The following TTC7B variants were observed in gnomAD, a reference collection of about 807,000 sequenced individuals.
TTC7B encodes the protein tetratricopeptide repeat domain 7B.
TTC7B carries 28 observed loss-of-function variants against 106.8 expected under a neutral mutation model. That is an observed-to-expected ratio of 0.26 (90% CI 0.19 to 0.36). TTC7B has a LOEUF of 0.36. TTC7B is among the 10% of genes least tolerant of loss of function. TTC7B has a pLI of 1.00. For synonymous variants in TTC7B, 405 were observed against 430.6 expected (o/e 0.94, Z 0.74); for missense variants, 862 against 1,076.4 (o/e 0.80, Z 2.79).
Position 90,744,932 on chromosome 14 carries a change from A to T in TTC7B, c.446-10T>A, listed in dbSNP as rs1889904893. 1 of 1,612,154 alleles carries T rather than the reference A, an allele frequency of 6.2e-7. No homozygotes were observed. The highest frequency in any genetic ancestry group is 1.7e-5 in the Admixed American group (1 of 59,626). ...TTCTCCAAACAAAGTCCTTAAAAAA[A>T]TATCAGACACAAAAACTGAGTGAAT... On this transcript the variant is annotated splice_polypyrimidine_tract_variant and intron_variant, in intron 3 of 19. Transcript: ENST00000328459.
intron 1 of TTC7B, among the ~76,000 whole-genome samples, chr14:90,812,246 G>A (rs1240312219): frequency 2.0e-5 from 3 of 152,142 alleles, no homozygotes; most frequent in African/African-American, 7.2e-5. Context: ...TTTAGACCCG[G>A]TGCCAGGTCA....
chr14:90,635,661 G>A (rs1183444478), intron 15 of TTC7B, among the ~76,000 whole-genome samples: 1 of 151,536 alleles, frequency 6.6e-6, no homozygotes, highest in East Asian at 1.9e-4. Context: ...TTGGGAGGCT[G>A]AGGCAGGAGG....
At chr14:90,617,401 A>G (rs1893129664) in intron 16 of TTC7B, among the ~76,000 whole-genome samples, 1 of 152,212 alleles carries the variant, frequency 6.6e-6, no homozygotes, top group South Asian at 2.1e-4. Context: ...TGGTTCCTGC[A>G]TTAGTTAATA....
intron 4 of TTC7B, among the ~76,000 whole-genome samples, chr14:90,733,431 T>A (rs570322327): frequency 2.4e-4 from 37 of 152,210 alleles, no homozygotes; most frequent in African/African-American, 7.9e-4. Flanking sequence ...GGAGGTGGCT[T>A]AAGGTTATAA....
At chr14:90,555,694 G>A (rs1566767263) in intron 19 of TTC7B, among the ~76,000 whole-genome samples, 1 of 152,196 alleles carries the variant, frequency 6.6e-6, no homozygotes, top group African/African-American at 2.4e-5. Flanking sequence ...AGGAAAGAGA[G>A]GGAGAAATGG....
Position 90,663,711 on chromosome 14 carries a change from T to C in TTC7B, c.1153-5324A>G, listed in dbSNP as rs920775336. On this transcript the variant is annotated intron_variant, in intron 9 of 19. Transcript: ENST00000328459. This position sits in a 1 kb window ranked among gnomAD's most constrained non-coding sequence, Gnocchi z 4.5. ...TTTCTCATAATGATAACAACCCACC[T>C]CCCCTAACAAGCCATGAGGGTGTCC... Among the ~76,000 whole-genome samples the C allele has an allele frequency of 6.6e-6, 1 of 151,896 alleles. No homozygotes were observed. The highest frequency in any genetic ancestry group is 6.6e-5 in the Admixed American group (1 of 15,236).
At chr14:90,617,868 G>T in intron 16 of TTC7B, 61 bp downstream of exon 16, 1 of 1,277,456 alleles carries the variant, frequency 7.8e-7, no homozygotes, top group Non-Finnish European at 1.1e-6. Context: ...AATCAGAGAA[G>T]GCACTGATAG....
In TTC7B at chr14:90,703,710, C is replaced by T. The variant is rs1888092681; in HGVS notation, c.699-8132G>A. The stretch of plus-strand genomic sequence containing the variant: ...ACAGGCGTCGCAAGCCTACAGGCCT[C>T]CAGTTCAAAACCATAACATAGAAAC... On this transcript the variant is annotated intron_variant, in intron 5 of 19. Coordinates refer to ENST00000328459, the MANE Select transcript of TTC7B (RefSeq NM_001010854.2). 2.0e-5 allele frequency among the ~76,000 whole-genome samples: 3 copies of T among 152,204 alleles called. No homozygotes were observed. The South Asian group carries it at 6.2e-4, about 32-fold the overall frequency.
In TTC7B at chr14:90,530,273, A is replaced by G. The variant is rs201432733; in HGVS notation, c.*11095T>C. On this transcript the variant is annotated 3_prime_UTR_variant, in exon 20 of 20. Transcript: ENST00000328459. ...ATTGAGCGAGACTCCATCCCAAAAA[A>G]CAAAAAAATCTATACTCATGGGAGA... 1.4e-4 allele frequency: 22 copies of G among 151,812 alleles called. No homozygotes were observed. The highest frequency in any genetic ancestry group is 5.3e-4 in the African/African-American group (22 of 41,474). 9.4% of individuals were successfully genotyped at this position (151,812 alleles called of 1,614,324 possible).
At chr14:90,574,658 G>T (rs1482978958) in intron 19 of TTC7B, among the ~76,000 whole-genome samples, 10 of 152,140 alleles carry the variant, frequency 6.6e-5, no homozygotes, top group Admixed American at 6.5e-4. Flanking sequence ...TTAAGCCATA[G>T]CCCTCCTGCA....
intron 15 of TTC7B, among the ~76,000 whole-genome samples, chr14:90,632,026 A>G (rs190363749): frequency 6.6e-6 from 1 of 152,252 alleles, no homozygotes; most frequent in East Asian, 1.9e-4. Context: ...AAGCTACTGC[A>G]CCACTAAGTC....
At chr14:90,776,955 G>C (rs1008717234) in intron 3 of TTC7B, among the ~76,000 whole-genome samples, 2 of 152,206 alleles carry the variant, frequency 1.3e-5, no homozygotes, top group Non-Finnish European at 2.9e-5. Context: ...CTGAATGAAG[G>C]CTGGGCATGG....
intron 17 of TTC7B, among the ~76,000 whole-genome samples, chr14:90,607,230 C>T (rs541994275): frequency 2.2e-4 from 34 of 152,282 alleles, no homozygotes; most frequent in Middle Eastern, 3.4e-3. Context: ...AGAGGACTTG[C>T]GGCCTCACAA....
intron 4 of TTC7B, among the ~76,000 whole-genome samples, chr14:90,734,814 G>A (rs1889457818): frequency 6.6e-6 from 1 of 151,994 alleles, no homozygotes; most frequent in African/African-American, 2.4e-5. Context: ...TGGAGACGGA[G>A]TTTCTGTCGC....
intron 3 of TTC7B, among the ~76,000 whole-genome samples, chr14:90,768,114 C>G (rs555252355): frequency 1.3e-5 from 2 of 152,274 alleles, no homozygotes; most frequent in Non-Finnish European, 2.9e-5. Context: ...CAGCAGATTT[C>G]TCATCAGAAA....
intron 7 of TTC7B, among the ~76,000 whole-genome samples, chr14:90,688,868 A>G (rs1194967263): frequency 1.3e-5 from 2 of 152,100 alleles, no homozygotes; most frequent in Non-Finnish European, 2.9e-5. Context: ...CAAGACTTGA[A>G]TGGGAGGCAT....
At chr14:90,649,786 C>T (rs1021222552) in intron 13 of TTC7B, among the ~76,000 whole-genome samples, 2 of 151,752 alleles carry the variant, frequency 1.3e-5, no homozygotes, top group African/African-American at 2.4e-5. Flanking sequence ...CATCCACCTA[C>T]CCATCCATCC....
intron 1 of TTC7B, among the ~76,000 whole-genome samples, chr14:90,806,485 C>T (rs2030618635): frequency 6.6e-6 from 1 of 152,218 alleles, no homozygotes; most frequent in Admixed American, 6.5e-5. Flanking sequence ...GCAAAGAAAC[C>T]GAGCATCTGA....
At chr14:90,714,956 T>A (rs1808178936) in intron 5 of TTC7B, among the ~76,000 whole-genome samples, 1 of 152,128 alleles carries the variant, frequency 6.6e-6, no homozygotes. Flanking sequence ...TTCACTCTGC[T>A]CTCAGCAGTT....
Sources: allele counts gnomAD v4.1 joint callset (sites outside exome capture counted in the v4.1 genomes callset), GRCh38; gene constraint gnomAD v4.1.1; non-coding constraint Gnocchi (gnomAD v3.1); transcripts MANE v1.5; gene names NCBI Gene and HGNC (gene_info 2026-07-23, HGNC 2026-07-21).